The following APOL3 variants were observed in gnomAD, a reference collection of about 807,000 sequenced individuals.
The protein encoded by APOL3 is apolipoprotein L3.
APOL3 carries 14 observed loss-of-function variants against 11.6 expected under a neutral mutation model. The observed-to-expected ratio is 1.21, with a 90% CI of 0.80 to 1.89. The LOEUF (loss-of-function observed/expected upper bound fraction) is 1.89. Ranked by LOEUF, APOL3 falls within the 40% of genes most tolerant of loss-of-function variation. The pLI, the probability that APOL3 is intolerant of heterozygous loss-of-function variation, is 0.00. For missense variants in APOL3, 483 were observed against 492.1 expected (o/e 0.98, Z 0.17); for synonymous variants, 192 against 190.6 (o/e 1.01, Z -0.06).
chr22:36,146,061 T>TGA (rs1386223452), intron 1 of APOL3: 1 of 152,124 alleles, frequency 6.6e-6, no homozygotes, highest in Non-Finnish European at 1.5e-5. Context: ...GAAGGCCATG[T>TGA]GAGGACACAG....
chr22:36,141,698 G>T, exon 3 of APOL3: 1 of 1,614,088 alleles, frequency 6.2e-7, no homozygotes, highest in Non-Finnish European at 8.5e-7. Flanking sequence ...CCACGATGCT[G>T]GTGGTGATCC....
rs1453216739 is a variant in APOL3, at chr22:36,145,461, C to T, written c.350+12G>A. ...CCGGGGCGCCCCATGGAGGTAACCC[C>T]ACGGAGGTTACCTGGGCAATTCAGC... On this transcript the variant is annotated intron_variant, in intron 2 of 2. Transcript: ENST00000349314. The T allele has an allele frequency of 1.2e-6, 2 of 1,613,714 alleles. No individual in the cohort carries two copies. The highest frequency in any genetic ancestry group is 1.3e-5 in the African/African-American group (1 of 75,054).
chr22:36,143,498 A>G (rs1471823627), intron 2 of APOL3, among the ~76,000 whole-genome samples: 1 of 152,208 alleles, frequency 6.6e-6, no homozygotes, highest in Non-Finnish European at 1.5e-5. Flanking sequence ...CAGACATTGC[A>G]TTTTGACTAA....
chr22:36,149,798 C>T (rs1331381452), intron 1 of APOL3: 2 of 454,980 alleles, frequency 4.4e-6, no homozygotes, highest in Non-Finnish European at 8.8e-6. Flanking sequence ...CTCCTCATTC[C>T]AAATCTGTGT....
chr22:36,158,756 T>G (rs2013313261), intron 1 of APOL3, among the ~76,000 whole-genome samples: 1 of 151,400 alleles, frequency 6.6e-6, no homozygotes, highest in African/African-American at 2.4e-5. Flanking sequence ...AGGCGGAGGG[T>G]GCAGTGAGCC....
At chr22:36,155,267 A>T (rs1288130790) in intron 1 of APOL3, among the ~76,000 whole-genome samples, 1 of 152,156 alleles carries the variant, frequency 6.6e-6, no homozygotes, top group East Asian at 1.9e-4. Flanking sequence ...CATCTGTTTC[A>T]GCTGGCTCCC....
intron 2 of APOL3, among the ~76,000 whole-genome samples, chr22:36,144,506 A>G (rs540883991): frequency 1.3e-4 from 20 of 152,274 alleles, no homozygotes; most frequent in African/African-American, 3.8e-4. Flanking sequence ...AGAGCTGTGC[A>G]GGGACAGAGC....
At chr22:36,160,121 G>T (rs1364783511) in intron 1 of APOL3, among the ~76,000 whole-genome samples, 2 of 152,168 alleles carry the variant, frequency 1.3e-5, no homozygotes, top group Non-Finnish European at 2.9e-5. Context: ...AACCTCAAGT[G>T]ATCTACCCGT....
chr22:36,165,085 C>T (rs1221511565), upstream of APOL3: 9 of 152,096 alleles, frequency 5.9e-5, no homozygotes, highest in African/African-American at 2.2e-4. Context: ...CAAACTCACT[C>T]TTATCGATAG....
intron 1 of APOL3, chr22:36,159,602 C>A (rs1262854342): frequency 3.3e-5 from 5 of 152,252 alleles, no homozygotes; most frequent in Non-Finnish European, 7.3e-5. Context: ...CTGCAACATG[C>A]CGTTCTCACT....
exon 3 of APOL3, chr22:36,141,729 C>G (rs1201145192): frequency 6.2e-7 from 1 of 1,613,896 alleles, no homozygotes; most frequent in African/African-American, 1.3e-5. Flanking sequence ...AGACGCTGCT[C>G]CCAGCCCTAC....
chr22:36,151,401 T>A (rs1169109761), intron 1 of APOL3, among the ~76,000 whole-genome samples: 1 of 152,164 alleles, frequency 6.6e-6, no homozygotes, highest in Admixed American at 6.5e-5. Flanking sequence ...CAAACCCATG[T>A]CCTCAGGGAC....
chr22:36,166,042 A>C (rs2013850970), exon 1 of APOL3: 1 of 152,200 alleles, frequency 6.6e-6, no homozygotes, highest in Non-Finnish European at 1.5e-5. Flanking sequence ...AGAAAGAGAA[A>C]GTAAGGCACA....
intron 1 of APOL3, chr22:36,156,813 G>A (rs1191999586): frequency 3.5e-5 from 13 of 375,138 alleles, no homozygotes; most frequent in South Asian, 2.3e-4. Context: ...GGGACCCTGC[G>A]GTGTTCCCAG....
chr22:36,157,702 T>A (rs2013123230), intron 1 of APOL3, among the ~76,000 whole-genome samples: 1 of 152,194 alleles, frequency 6.6e-6, no homozygotes, highest in East Asian at 1.9e-4. Flanking sequence ...CAAAGGTAAC[T>A]GTCCACAATC....
intron 1 of APOL3, among the ~76,000 whole-genome samples, chr22:36,146,660 G>A (rs2060232303): frequency 2.0e-5 from 3 of 152,036 alleles, no homozygotes; most frequent in Admixed American, 6.6e-5. Flanking sequence ...ATATGACACA[G>A]GGTGCATATG....
intron 1 of APOL3, chr22:36,156,028 G>A: frequency 3.7e-6 from 1 of 269,652 alleles, no homozygotes; most frequent in South Asian, 6.3e-5. Flanking sequence ...AGTGGCTGTG[G>A]GGCCTCCTCC....
At chr22:36,159,424 C>G (rs4821460) in intron 1 of APOL3, 123,027 of 152,200 alleles carry the variant, frequency 0.81, 50,273 homozygotes, top group East Asian at 0.97. Context: ...CTGACTCTGA[C>G]ATTGAAGCAA....
At chr22:36,157,089 A>C in intron 1 of APOL3, 1 of 451,724 alleles carries the variant, frequency 2.2e-6, no homozygotes, top group East Asian at 7.0e-5. Flanking sequence ...GTTTCCATTT[A>C]TTTTCTCCCG....
Sources: gnomAD v4.1 joint callset for allele counts (sites outside exome capture counted in the v4.1 genomes callset) on GRCh38, gnomAD v4.1.1 for gene constraint, MANE v1.5 for transcripts, NCBI Gene and HGNC (gene_info 2026-07-23, HGNC 2026-07-21) for gene names.